Variants in CDC27 observed in about 807,000 individuals in gnomAD.
CDC27 encodes the protein cell division cycle protein 27 homolog.
In CDC27, 27 loss-of-function variants were observed where a neutral mutation model predicts 109.7. The observed-to-expected ratio is 0.25, with a 90% CI of 0.18 to 0.34. The LOEUF (loss-of-function observed/expected upper bound fraction) is 0.34. Among genes scored for constraint, CDC27 ranks in the 10% least tolerant of loss-of-function variants. The probability of loss-of-function intolerance (pLI) is 1.00; values close to 1 mark genes in which losing one functional copy is unlikely to be tolerated. For synonymous variants in CDC27, 266 were observed against 333.9 expected (o/e 0.80, Z 2.22); for missense variants, 579 against 960.2 (o/e 0.60, Z 5.25).
At chr17:47,144,040 C>G in intron 9 of CDC27, 58 bp from the exon 10 acceptor site, 2 of 637,954 alleles carry the variant, frequency 3.1e-6, no homozygotes, top group Non-Finnish European at 4.7e-6. Flanking sequence ...GACCATTAAC[C>G]ATTGTTTCAA....
intron 7 of CDC27, among the ~76,000 whole-genome samples, chr17:47,155,276 C>T (rs781230658): frequency 2.0e-4 from 30 of 152,258 alleles, no homozygotes; most frequent in Middle Eastern, 3.4e-3. Context: ...GACAGAGTCT[C>T]GCTCTGTTGC....
intron 13 of CDC27, among the ~76,000 whole-genome samples, chr17:47,137,998 C>G (rs1010063398): frequency 4.6e-5 from 7 of 151,816 alleles, no homozygotes; most frequent in African/African-American, 1.7e-4. Context: ...AAGGGTTTTG[C>G]CATGTTGCCG....
At position 47,174,990 on chromosome 17, in the gene CDC27, C is replaced by CAGGAAAGGAA. The variant is rs148892033; in HGVS notation, c.104-2936_104-2927dup. Among the ~76,000 whole-genome samples, 284 of 144,488 alleles carry CAGGAAAGGAA rather than the reference C, an allele frequency of 2.0e-3. 7 individuals carry two copies. The East Asian group carries it at 0.028, about 14-fold the overall frequency. The allele number at this position is 144,488 out of a possible 152,430, so 94.8% of individuals were successfully genotyped here. A position where few individuals can be genotyped will look rare whatever the true frequency, so the allele number is the denominator to read the frequency against. ...CGAAACAGGACAGGACAGGACAGGA[C>CAGGAAAGGAA]AGGAAAGGAAAGGAGAGAGAGAAAG... On this transcript the variant is annotated intron_variant, in intron 2 of 18. Transcript: ENST00000066544.
chr17:47,177,857 TACACACAC>T (rs34596516), intron 2 of CDC27, among the ~76,000 whole-genome samples: 4 of 150,280 alleles, frequency 2.7e-5, no homozygotes, highest in Non-Finnish European at 4.5e-5. Context: ...TATGTGTGTG[TACACACAC>T]ACACACACAC....
chr17:47,141,836 C>A lies in CDC27; in HGVS notation c.1551+17G>T, dbSNP rs767793820. ...ATTATCTCTAGAAAGGCATATATAA[C>A]CATTTTCTATACTTACTTGCATGTA... On this transcript the variant is annotated intron_variant, in intron 12 of 18. Transcript: ENST00000066544. 1 of 1,526,170 alleles carries A rather than the reference C, an allele frequency of 6.6e-7. No homozygotes were observed. The highest frequency in any genetic ancestry group is 1.3e-5 in the South Asian group (1 of 79,072). 94.5% of individuals were successfully genotyped at this position (1,526,170 alleles called of 1,614,324 possible). A position where few individuals can be genotyped will look rare whatever the true frequency, so the allele number is the denominator to read the frequency against.
intron 7 of CDC27, 78 bp downstream of exon 7, chr17:47,156,835 T>C: frequency 2.0e-6 from 1 of 497,212 alleles, no homozygotes; most frequent in Non-Finnish European, 3.6e-6. Flanking sequence ...GTTGTAATAA[T>C]CTGCATTACT....
At chr17:47,128,553 T>A (rs572221258) in intron 16 of CDC27, among the ~76,000 whole-genome samples, 2 of 152,178 alleles carry the variant, frequency 1.3e-5, no homozygotes, top group Non-Finnish European at 2.9e-5. Flanking sequence ...CATAACTTAA[T>A]ACACTTTCCC....
chr17:47,173,300 T>C (rs1469344290), intron 2 of CDC27, among the ~76,000 whole-genome samples: 2 of 151,304 alleles, frequency 1.3e-5, no homozygotes, highest in Non-Finnish European at 2.9e-5. Context: ...TAAAAAATAA[T>C]AAATAGTAAA....
intron 3 of CDC27, 78 bp from the exon 4 acceptor site, chr17:47,170,120 G>T (rs1289248231): frequency 9.4e-6 from 11 of 1,166,468 alleles, no homozygotes; most frequent in Non-Finnish European, 1.3e-5. Flanking sequence ...CATTACCAAA[G>T]TGCATCTAAC....
At chr17:47,122,058 T>G (rs1449341840) in intron 18 of CDC27, among the ~76,000 whole-genome samples, 2 of 152,122 alleles carry the variant, frequency 1.3e-5, no homozygotes, top group African/African-American at 4.8e-5. Flanking sequence ...TAATTTTAAT[T>G]AAAGCCTTTC....
chr17:47,189,112 C>T (rs1340230270), intron 1 of CDC27, 34 bp downstream of exon 1: 1 of 1,608,572 alleles, frequency 6.2e-7, no homozygotes. Context: ...ACCGAGGCTG[C>T]CAGCCAAGCC....
chr17:47,178,568 A>C (rs977526944), intron 2 of CDC27, among the ~76,000 whole-genome samples: 9 of 133,948 alleles, frequency 6.7e-5, no homozygotes, highest in South Asian at 2.4e-4. Context: ...AAAAAAAAAA[A>C]CCCTGAAAAG....
At chr17:47,127,453 AGC>A (rs1160190655) in intron 16 of CDC27, among the ~76,000 whole-genome samples, 2 of 150,614 alleles carry the variant, frequency 1.3e-5, no homozygotes, top group African/African-American at 4.9e-5. Flanking sequence ...CCCAGGCTGG[AGC>A]GCAGTGGTGT....
At chr17:47,136,073 C>T (rs1773036356) in intron 14 of CDC27, among the ~76,000 whole-genome samples, 1 of 152,040 alleles carries the variant, frequency 6.6e-6, no homozygotes, top group Non-Finnish European at 1.5e-5. Context: ...ACCTGGGAGG[C>T]GGAGCATACA....
intron 9 of CDC27, among the ~76,000 whole-genome samples, chr17:47,149,657 C>T (rs970308121): frequency 2.6e-5 from 4 of 151,912 alleles, no homozygotes; most frequent in African/African-American, 7.2e-5. Flanking sequence ...TTCTTTTTCT[C>T]ATTTAAAAAA....
intron 4 of CDC27, among the ~76,000 whole-genome samples, chr17:47,166,288 C>A (rs1172150549): frequency 6.6e-6 from 1 of 152,090 alleles, no homozygotes; most frequent in Non-Finnish European, 1.5e-5. Flanking sequence ...AAGTTTCTTT[C>A]ATAATTTTAG....
intron 4 of CDC27, among the ~76,000 whole-genome samples, chr17:47,165,123 T>A (rs974849246): frequency 2.0e-5 from 3 of 152,226 alleles, no homozygotes; most frequent in African/African-American, 7.2e-5. Flanking sequence ...AATAACCTTG[T>A]AATCTATCTA....
chr17:47,170,595 A>G (rs1056359050), intron 3 of CDC27, among the ~76,000 whole-genome samples: 1 of 152,200 alleles, frequency 6.6e-6, no homozygotes, highest in African/African-American at 2.4e-5. Flanking sequence ...TTTTACCTTT[A>G]AAAACAGAAT....
At chr17:47,129,282 A>G in intron 16 of CDC27, 111 bp downstream of exon 16, 1 of 853,060 alleles carries the variant, frequency 1.2e-6, no homozygotes, top group Admixed American at 2.4e-5. Context: ...AACAGCTTGG[A>G]AAAATGTCTC....
Sources: gnomAD v4.1 joint callset for allele counts (sites outside exome capture counted in the v4.1 genomes callset) on GRCh38, gnomAD v4.1.1 for gene constraint, MANE v1.5 for transcripts, NCBI Gene and HGNC (gene_info 2026-07-23, HGNC 2026-07-21) for gene names.